RASSF3: variants seen among roughly 807,000 people sequenced by gnomAD.
The protein encoded by RASSF3 is Ras association domain family member 3.
RASSF3 carries 19 observed loss-of-function variants against 19.9 expected under a neutral mutation model. The observed-to-expected ratio is 0.96, with a 90% CI of 0.67 to 1.40. RASSF3 has a LOEUF of 1.40. RASSF3 is among the 40% of genes most tolerant of loss of function. RASSF3 has a pLI of 0.00. For synonymous variants in RASSF3, 110 were observed against 104.2 expected (o/e 1.06, Z -0.34); for missense variants, 306 against 289.8 (o/e 1.06, Z -0.41).
intron 1 of RASSF3, among the ~76,000 whole-genome samples, chr12:64,525,041 C>A (rs932497955): frequency 6.6e-6 from 1 of 152,068 alleles, no homozygotes; most frequent in Non-Finnish European, 1.5e-5. Context: ...TTTGGGAGGC[C>A]GAGGCAGGTG....
intron 1 of RASSF3, among the ~76,000 whole-genome samples, chr12:64,651,428 G>A (rs1011514254): frequency 2.0e-5 from 3 of 152,084 alleles, no homozygotes; most frequent in African/African-American, 7.2e-5. Flanking sequence ...GCTTGATACT[G>A]GCTCACTGCA....
In RASSF3 at chr12:64,563,912, C is replaced by G. The variant is rs913337258; in HGVS notation, c.294+22207C>G. 2.0e-5 allele frequency among the ~76,000 whole-genome samples: 3 copies of G among 152,164 alleles called. No individual in the cohort carries two copies. The East Asian group carries it at 5.8e-4, about 29-fold the overall frequency. ...CAACATCATTTTATTTATTTCTTCT[C>G]TCCCCCATCTAGAATGTAAGTTTCA... On this transcript the variant is annotated intron_variant, in intron 2 of 5. Transcript: ENST00000637125.
Position 64,693,874 on chromosome 12 carries a change from T to C in RASSF3, c.568-889T>C, listed in dbSNP as rs537648455. Among the ~76,000 whole-genome samples the C allele has an allele frequency of 2.8e-4, 42 of 152,232 alleles. No individual in the cohort carries two copies. The South Asian group carries it at 8.5e-3, about 31-fold the overall frequency. ...AGGTAAGGTGCAGGTGAGATAGATA[T>C]TAAGCAAATAATTGTAATTTAAAAA... is the stretch of plus-strand genomic sequence containing the variant. On this transcript the variant is annotated intron_variant, in intron 4 of 4. Coordinates refer to ENST00000542104, the MANE Select transcript of RASSF3 (RefSeq NM_178169.4).
At chr12:64,578,490 C>CA (rs976460940) in intron 2 of RASSF3, among the ~76,000 whole-genome samples, 2 of 151,888 alleles carry the variant, frequency 1.3e-5, no homozygotes, top group Non-Finnish European at 2.9e-5. Flanking sequence ...CCTGTCTCTA[C>CA]AAAAAATGAA....
chr12:64,545,572 G>A (rs1175950011), downstream of RASSF3, among the ~76,000 whole-genome samples: 4 of 152,098 alleles, frequency 2.6e-5, no homozygotes, highest in Admixed American at 1.3e-4. Context: ...CGTGAAAGGC[G>A]GCTTCCCAAT....
rs34052700 is a variant in RASSF3 at position 64,668,680 on chromosome 12, A to ATT, written c.112-16089_112-16088dup. 8.1e-3 allele frequency among the ~76,000 whole-genome samples: 1,007 copies of ATT among 124,136 alleles called. 13 individuals carry two copies. The highest frequency in any genetic ancestry group is 0.034 in the East Asian group (143 of 4,216). 81.4% of individuals were successfully genotyped at this position (124,136 alleles called of 152,430 possible). A position where few individuals can be genotyped will look rare whatever the true frequency, so the allele number is the denominator to read the frequency against. On this transcript the variant is annotated intron_variant, in intron 1 of 4. Transcript: ENST00000542104. ...TTGGATGTTGACTGTTTTAATTTTG[A>ATT]TTTTTTTTTTTTTTTTTTTGAAACG...
intron 1 of RASSF3, among the ~76,000 whole-genome samples, chr12:64,523,697 T>C (rs548619263): frequency 9.2e-5 from 14 of 152,176 alleles, no homozygotes; most frequent in Admixed American, 4.6e-4. Context: ...ATGTTTTCAA[T>C]TTAATTTTTT....
intron 1 of RASSF3, among the ~76,000 whole-genome samples, chr12:64,637,546 C>A (rs981191793): frequency 7.9e-5 from 12 of 151,432 alleles, no homozygotes; most frequent in African/African-American, 2.9e-4. Context: ...TCTCATGCCT[C>A]AGCCTCCCGA....
chr12:64,620,214 T>G (rs1192321403), intron 1 of RASSF3, among the ~76,000 whole-genome samples: 2 of 152,120 alleles, frequency 1.3e-5, no homozygotes, highest in Non-Finnish European at 1.5e-5. Flanking sequence ...TGTAACTGGC[T>G]TAGTTTACTT....
At chr12:64,678,042 T>A (rs1383426534) in intron 1 of RASSF3, among the ~76,000 whole-genome samples, 1 of 152,212 alleles carries the variant, frequency 6.6e-6, no homozygotes, top group Non-Finnish European at 1.5e-5. Flanking sequence ...GAGAATGTTT[T>A]TCTCTTAAGG....
chr12:64,536,608 A>T (rs576807302), intron 1 of RASSF3, among the ~76,000 whole-genome samples: 3,374 of 152,326 alleles, frequency 0.022, 131 homozygotes, highest in African/African-American at 0.076. Context: ...ACTTAAAAAA[A>T]ATGGTGCATA....
At chr12:64,600,690 A>G (rs1870077525) in intron 2 of RASSF3, among the ~76,000 whole-genome samples, 1 of 152,210 alleles carries the variant, frequency 6.6e-6, no homozygotes, top group Admixed American at 6.5e-5. Context: ...ACCTATATGT[A>G]CGTAATAATA....
At chr12:64,525,698 C>T (rs1868569949) in intron 1 of RASSF3, among the ~76,000 whole-genome samples, 1 of 152,046 alleles carries the variant, frequency 6.6e-6, no homozygotes, top group Admixed American at 6.6e-5. Flanking sequence ...TTCCTGCAGA[C>T]CCAGAATTTG....
At chr12:64,595,141 C>T (rs1420228008) in intron 2 of RASSF3, among the ~76,000 whole-genome samples, 1 of 135,292 alleles carries the variant, frequency 7.4e-6, no homozygotes, top group Non-Finnish European at 1.5e-5. Flanking sequence ...AGTCTTGGCT[C>T]ACAGCTACCT....
chr12:64,675,052 C>CCCCCCCCCCCCCCCCCCCCCCCG (rs1555215878), intron 1 of RASSF3, among the ~76,000 whole-genome samples: 3 of 102,622 alleles, frequency 2.9e-5, no homozygotes, highest in Admixed American at 9.1e-5. Flanking sequence ...CTAGCCCCCC[C>CCCCCCCCCCCCCCCCCCCCCCCG]CCCCCCCGCC....
chr12:64,610,803 C>A, intron 1 of RASSF3, 60 bp downstream of exon 1: 2 of 1,097,144 alleles, frequency 1.8e-6, no homozygotes, highest in Non-Finnish European at 2.6e-6. Context: ...AACCCGCCAG[C>A]CCGCGCCCCC....
intron 1 of RASSF3, among the ~76,000 whole-genome samples, chr12:64,631,171 G>C (rs11175477): frequency 0.12 from 18,314 of 152,240 alleles, 1,320 homozygotes; most frequent in Middle Eastern, 0.17. Flanking sequence ...AGAAGGGCAT[G>C]TCCATGGAGG....
At chr12:64,517,053 G>A (rs532720498) in intron 1 of RASSF3, among the ~76,000 whole-genome samples, 1 of 148,624 alleles carries the variant, frequency 6.7e-6, no homozygotes, top group African/African-American at 2.5e-5. Flanking sequence ...ATCCTATAAG[G>A]TATCTATTTG....
upstream of RASSF3, among the ~76,000 whole-genome samples, chr12:64,530,295 C>A (rs932014635): frequency 6.9e-6 from 1 of 144,256 alleles, no homozygotes; most frequent in African/African-American, 2.5e-5. Context: ...GAATAGTATT[C>A]CAGTGCACAA....
Sources: allele counts gnomAD v4.1 joint callset (sites outside exome capture counted in the v4.1 genomes callset), GRCh38; gene constraint gnomAD v4.1.1; transcripts MANE v1.5; gene names NCBI Gene and HGNC (gene_info 2026-07-23, HGNC 2026-07-21).